CYB5RL: variants seen among roughly 807,000 people sequenced by gnomAD.
CYB5RL encodes NADH-cytochrome b5 reductase-like.
A neutral mutation model predicts 37.5 loss-of-function variants in CYB5RL; 38 were observed. The ratio of observed to expected loss-of-function variants is 1.01; its 90% CI spans 0.78 to 1.33. The LOEUF (loss-of-function observed/expected upper bound fraction) is 1.33. CYB5RL is among the 40% of genes most tolerant of loss of function. The pLI is 0.00. For missense variants in CYB5RL, 388 were observed against 394.4 expected, an observed-to-expected ratio of 0.98 and a Z score of 0.14; for synonymous variants, 141 against 151.9, an observed-to-expected ratio of 0.93 and a Z score of 0.53.
rs1243289952 is a variant in CYB5RL at position 54,171,469 on chromosome 1, C to G, written c.*3150G>C. 1.1e-5 allele frequency: 5 copies of G among 455,444 alleles called. No individual in the cohort carries two copies. Among genetic ancestry groups the G allele is most frequent in the Non-Finnish European group, 1.8e-5 (4 of 226,336 alleles). 28.2% of individuals were successfully genotyped at this position (455,444 alleles called of 1,614,324 possible). On this transcript the variant is annotated 3_prime_UTR_variant, in exon 8 of 8. Coordinates refer to ENST00000534324, the MANE Select transcript of CYB5RL (RefSeq NM_001031672.4). ...CATGGAGACTGGGAGCTGGGAGACC[C>G]ATGAGGGGAACACAGAAGTGACGTT...
intron 3 of CYB5RL, 36 bp downstream of exon 3, chr1:54,195,383 G>A (rs1437528194): frequency 4.6e-6 from 7 of 1,525,262 alleles, no homozygotes; most frequent in Non-Finnish European, 4.4e-6. Flanking sequence ...GTAGATTGTT[G>A]CCCTGGTGCT....
chr1:54,181,017 A>G (rs970014293), intron 6 of CYB5RL, among the ~76,000 whole-genome samples: 1 of 152,182 alleles, frequency 6.6e-6, no homozygotes, highest in African/African-American at 2.4e-5. Flanking sequence ...TGTCTCAAAC[A>G]AAACAAAACA....
At position 54,171,408 on chromosome 1, in the gene CYB5RL, G is replaced by A; in HGVS notation, c.*3211C>T. 1 of 456,308 alleles carries A rather than the reference G, an allele frequency of 2.2e-6. No homozygotes were observed. Among genetic ancestry groups the A allele is most frequent in the Non-Finnish European group, 4.4e-6 (1 of 226,802 alleles). The allele number at this position is 456,308 out of a possible 1,614,324, so 28.3% of individuals were successfully genotyped here. ...GGGAGTGACAGGCTTGGATTTGTGTGTGGGGAAAACTGGTCTGGTCTCAGC... is the reference window on the plus strand; with the variant it reads ...GGGAGTGACAGGCTTGGATTTGTGTATGGGGAAAACTGGTCTGGTCTCAGC... On this transcript the variant is annotated 3_prime_UTR_variant, in exon 8 of 8. Coordinates refer to ENST00000534324, the MANE Select transcript of CYB5RL (RefSeq NM_001031672.4).
chr1:54,195,121 T>C (rs1643994388), intron 3 of CYB5RL, among the ~76,000 whole-genome samples: 1 of 152,186 alleles, frequency 6.6e-6, no homozygotes, highest in African/African-American at 2.4e-5. Context: ...TGGTATATAA[T>C]AGGTACTCAA....
chr1:54,187,374 T>A (rs1643910061), intron 5 of CYB5RL, among the ~76,000 whole-genome samples: 1 of 152,204 alleles, frequency 6.6e-6, no homozygotes, highest in Non-Finnish European at 1.5e-5. Flanking sequence ...CCAACTCAAA[T>A]GCCCCGGTTC....
chr1:54,190,321 G>C (rs756615980), intron 4 of CYB5RL, among the ~76,000 whole-genome samples: 1 of 152,178 alleles, frequency 6.6e-6, no homozygotes, highest in Non-Finnish European at 1.5e-5. Context: ...CTATCAATTG[G>C]TACTAATCAT....
intron 6 of CYB5RL, among the ~76,000 whole-genome samples, chr1:54,183,142 C>T (rs538685381): frequency 1.6e-4 from 25 of 152,192 alleles, no homozygotes; most frequent in Non-Finnish European, 3.2e-4. Context: ...CTTCATCTTA[C>T]AGCATAAGTA....
chr1:54,180,558 C>G (rs554113363), intron 6 of CYB5RL, among the ~76,000 whole-genome samples: 1 of 151,138 alleles, frequency 6.6e-6, no homozygotes, highest in African/African-American at 2.4e-5. Flanking sequence ...GAGCTGAGAT[C>G]GCGCCACTGC....
rs1659953385 is a variant in CYB5RL, at chr1:54,173,929, CAGG to C, written c.*687_*689del. ...AAGGCACAGGCTGAGTGGCTGCCTG[CAGG>C]AGGAGGGAGGGGCGTTTCCTTCCCG... is the stretch of plus-strand genomic sequence containing the variant. On this transcript the variant is annotated 3_prime_UTR_variant, in exon 8 of 8. Coordinates refer to ENST00000534324, the MANE Select transcript of CYB5RL (RefSeq NM_001031672.4). 1 of 153,340 alleles carries C rather than the reference CAGG, an allele frequency of 6.5e-6. No individual in the cohort carries two copies. The highest frequency in any genetic ancestry group is 2.1e-4 in the South Asian group (1 of 4,842). 9.5% of individuals were successfully genotyped at this position (153,340 alleles called of 1,614,324 possible). A position where few individuals can be genotyped will look rare whatever the true frequency, so the allele number is the denominator to read the frequency against.
intron 7 of CYB5RL, chr1:54,175,627 T>C: frequency 4.5e-6 from 2 of 444,684 alleles, no homozygotes; most frequent in South Asian, 1.6e-5. Context: ...TAGCCCTCTG[T>C]ATCCATGGGT....
At position 54,197,317 on chromosome 1, in the gene CYB5RL, C is replaced by CTTTTTTT. The variant is rs766084507; in HGVS notation, c.-222-833_-222-827dup. Reference sequence around the variant, plus strand: ...AACACTTTTCTTTTTCTTTTCTTTTCTTTTTTTTTTTTTTTTGAGACAGAG... The same window carrying CTTTTTTT: ...AACACTTTTCTTTTTCTTTTCTTTTCTTTTTTTTTTTTTTTTTTTTTTTGAGACAGAG... On this transcript the variant is annotated intron_variant, in intron 1 of 7. Coordinates refer to ENST00000534324, the MANE Select transcript of CYB5RL (RefSeq NM_001031672.4). 2.7e-4 allele frequency among the ~76,000 whole-genome samples: 34 copies of CTTTTTTT among 124,024 alleles called. 1 individual carries two copies. Among genetic ancestry groups the CTTTTTTT allele is most frequent in the South Asian group, 5.3e-4 (2 of 3,742 alleles). The allele number at this position is 124,024 out of a possible 152,430, so 81.4% of individuals were successfully genotyped here. A position where few individuals can be genotyped will look rare whatever the true frequency, so the allele number is the denominator to read the frequency against.
At chr1:54,191,368 A>G (rs1643952231) in intron 3 of CYB5RL, among the ~76,000 whole-genome samples, 1 of 152,226 alleles carries the variant, frequency 6.6e-6, no homozygotes, top group Admixed American at 6.5e-5. Flanking sequence ...CCAGATTTGC[A>G]TAATTTATAA....
intron 6 of CYB5RL, among the ~76,000 whole-genome samples, chr1:54,182,255 G>C (rs574459117): frequency 6.6e-6 from 1 of 152,326 alleles, no homozygotes; most frequent in African/African-American, 2.4e-5. Flanking sequence ...AAGAGCTGCT[G>C]TGAAGACTAT....
intron 4 of CYB5RL, among the ~76,000 whole-genome samples, chr1:54,188,933 C>T (rs1417518036): frequency 2.0e-5 from 3 of 152,140 alleles, no homozygotes; most frequent in African/African-American, 7.2e-5. Flanking sequence ...GTCTATAATC[C>T]CAGCACTCTG....
chr1:54,191,238 C>T (rs1643951265), intron 3 of CYB5RL, among the ~76,000 whole-genome samples: 1 of 152,170 alleles, frequency 6.6e-6, no homozygotes, highest in Non-Finnish European at 1.5e-5. Flanking sequence ...CTTTGTCCTC[C>T]CAAGAACACC....
rs966764600 is a variant in CYB5RL at position 54,173,473 on chromosome 1, G to C, written c.*1146C>G. 6.6e-5 allele frequency: 10 copies of C among 152,174 alleles called. No homozygotes were observed. The highest frequency in any genetic ancestry group is 1.0e-4 in the Non-Finnish European group (7 of 68,042). 9.4% of individuals were successfully genotyped at this position (152,174 alleles called of 1,614,324 possible). ...GGCTTCTAGTGCTGGCTCTGCCATG[G>C]ACTGTTTTACCCTGGGCAAGTCATT... is the stretch of plus-strand genomic sequence containing the variant. On this transcript the variant is annotated 3_prime_UTR_variant, in exon 8 of 8. Coordinates refer to ENST00000534324, the MANE Select transcript of CYB5RL (RefSeq NM_001031672.4).
chr1:54,189,189 T>TATAA (rs10624673), intron 4 of CYB5RL, among the ~76,000 whole-genome samples: 94,227 of 150,324 alleles, frequency 0.63, 30,706 homozygotes, highest in Non-Finnish European at 0.73. Context: ...TCTCAAAAAA[T>TATAA]ATAAATAAAT....
At position 54,195,552 on chromosome 1, in the gene CYB5RL, T is replaced by TA; in HGVS notation, c.64_65insT (p.Glu22ValfsTer18). 6.2e-7 allele frequency: 1 copy of TA among 1,613,808 alleles called. No homozygotes were observed. The highest frequency in any genetic ancestry group is 8.5e-7 in the Non-Finnish European group (1 of 1,179,766). On this transcript the variant is annotated frameshift_variant, in exon 3 of 8. Coordinates refer to ENST00000534324, the MANE Select transcript of CYB5RL (RefSeq NM_001031672.4). LOFTEE classifies it high-confidence loss of function. ...GCCGCAGCACTGGGAAGGCAAGGGT[T>TA]CTGTGGGCCGTAGCTGCATCCAGGC...
Position 54,171,385 on chromosome 1 carries a change from G to A in CYB5RL, c.*3234C>T, listed in dbSNP as rs1422742392. The A allele has an allele frequency of 2.2e-6, 1 of 456,296 alleles. No individual in the cohort carries two copies. The highest frequency in any genetic ancestry group is 4.4e-6 in the Non-Finnish European group (1 of 226,830). The allele number at this position is 456,296 out of a possible 1,614,324, so 28.3% of individuals were successfully genotyped here. ...AGACAGGGAAGGATTTCAAGCAGGGGAGTGACAGGCTTGGATTTGTGTGTG... is the reference window on the plus strand; with the variant it reads ...AGACAGGGAAGGATTTCAAGCAGGGAAGTGACAGGCTTGGATTTGTGTGTG... On this transcript the variant is annotated 3_prime_UTR_variant, in exon 8 of 8. Transcript: ENST00000534324.
Sources: allele counts gnomAD v4.1 joint callset (sites outside exome capture counted in the v4.1 genomes callset), GRCh38; gene constraint gnomAD v4.1.1; transcripts MANE v1.5; gene names NCBI Gene and HGNC (gene_info 2026-07-23, HGNC 2026-07-21).